ESRRG: variants seen among roughly 807,000 people sequenced by gnomAD.
ESRRG encodes the protein estrogen related receptor gamma.
ESRRG carries 13 observed loss-of-function variants against 44.0 expected under a neutral mutation model. The ratio of observed to expected loss-of-function variants is 0.30; its 90% CI spans 0.19 to 0.47. ESRRG has a LOEUF of 0.47. Ranked by LOEUF, ESRRG falls within the 20% of genes least tolerant of loss-of-function variation. The probability of loss-of-function intolerance (pLI) is 1.00; values close to 1 mark genes in which losing one functional copy is unlikely to be tolerated. For synonymous variants in ESRRG, 215 were observed against 214.6 expected, an observed-to-expected ratio of 1.00 and a Z score of -0.02; for missense variants, 395 against 580.6, an observed-to-expected ratio of 0.68 and a Z score of 3.29.
Position 216,506,724 on chromosome 1 carries a change from G to T in ESRRG, c.*215C>A. On this transcript the variant is annotated 3_prime_UTR_variant, in exon 7 of 7. Transcript: ENST00000408911. ...ATAAAGAGAAAGAGAAATGTGGGAA[G>T]AAAGAGGAAAGAAGATGATGGAGAA... 1 of 643,294 alleles carries T rather than the reference G, an allele frequency of 1.6e-6. No individual in the cohort carries two copies. Among genetic ancestry groups the T allele is most frequent in the East Asian group, 2.9e-5 (1 of 34,314 alleles). 39.8% of individuals were successfully genotyped at this position (643,294 alleles called of 1,614,324 possible). A position where few individuals can be genotyped will look rare whatever the true frequency, so the allele number is the denominator to read the frequency against.
chr1:216,822,538 C>T (rs1269184213), intron 2 of ESRRG, among the ~76,000 whole-genome samples: 1 of 152,100 alleles, frequency 6.6e-6, no homozygotes, highest in Non-Finnish European at 1.5e-5. Flanking sequence ...AATATGTTTC[C>T]CAGTCCTCCT....
chr1:216,796,496 G>T (rs1389855311), intron 2 of ESRRG, among the ~76,000 whole-genome samples: 3 of 152,164 alleles, frequency 2.0e-5, no homozygotes, highest in African/African-American at 7.2e-5. Context: ...TCTAAGGATT[G>T]CTATTGTAGT....
chr1:217,040,096 C>A lies in ESRRG; in HGVS notation c.-106+49411G>T, dbSNP rs116464656. Among the ~76,000 whole-genome samples the A allele has an allele frequency of 4.6e-3, 700 of 152,310 alleles. 6 individuals carry two copies. Among genetic ancestry groups the A allele is most frequent in the African/African-American group, 0.016 (663 of 41,576 alleles). On this transcript the variant is annotated intron_variant, in intron 1 of 7. Transcript: ENST00000359162. ...CAACAATGGCTAAATTATTTTAACG[C>A]AGTGATATCTCACACAACATCCCTA... is the stretch of plus-strand genomic sequence containing the variant.
intron 1 of ESRRG, among the ~76,000 whole-genome samples, chr1:216,973,824 C>T (rs1292727548): frequency 1.8e-5 from 2 of 111,114 alleles, no homozygotes; most frequent in Non-Finnish European, 3.5e-5. Context: ...GAAACTCTGT[C>T]TCAAAAAAAA....
chr1:216,653,951 C>CAA (rs5780901), intron 2 of ESRRG, among the ~76,000 whole-genome samples: 1,437 of 142,444 alleles, frequency 0.01, 21 homozygotes, highest in African/African-American at 0.031. Flanking sequence ...CCATCTCTAC[C>CAA]AAAAAAAAAA....
upstream of ESRRG, among the ~76,000 whole-genome samples, chr1:217,092,675 A>C (rs1475228428): frequency 6.6e-6 from 1 of 151,690 alleles, no homozygotes. Context: ...GAAGCTTTCA[A>C]CTCCCTCTTC....
intron 1 of ESRRG, among the ~76,000 whole-genome samples, chr1:217,135,545 G>C (rs1343231841): frequency 6.6e-6 from 1 of 151,594 alleles, no homozygotes; most frequent in Non-Finnish European, 1.5e-5. Context: ...CGGCGGCGGC[G>C]GTGTTGGCGG....
chr1:216,649,515 C>T (rs1459377272), intron 3 of ESRRG, among the ~76,000 whole-genome samples: 3 of 151,836 alleles, frequency 2.0e-5, no homozygotes, highest in Non-Finnish European at 4.4e-5. Context: ...TACATATACA[C>T]ACACACACAC....
At chr1:217,121,424 T>C (rs1339828863) in intron 1 of ESRRG, among the ~76,000 whole-genome samples, 1 of 152,110 alleles carries the variant, frequency 6.6e-6, no homozygotes, top group Non-Finnish European at 1.5e-5. Context: ...AAAATCACTC[T>C]CCTGGTAGTG....
chr1:217,117,997 T>C (rs2092759891), intron 1 of ESRRG, among the ~76,000 whole-genome samples: 1 of 152,220 alleles, frequency 6.6e-6, no homozygotes, highest in African/African-American at 2.4e-5. Context: ...ATAAAGTCCA[T>C]ATCTGAATCA....
In ESRRG at chr1:216,927,508, C is replaced by T. The variant is rs1361545174; in HGVS notation, c.-14+12074G>A. ...AGCAGCAGTTAAAGATCAGAGGCAACTTGAAATGGGCCAACGTGCTGAGCT... is the reference window on the plus strand; with the variant it reads ...AGCAGCAGTTAAAGATCAGAGGCAATTTGAAATGGGCCAACGTGCTGAGCT... On this transcript the variant is annotated intron_variant, in intron 2 of 7. Transcript: ENST00000359162. 3.9e-5 allele frequency among the ~76,000 whole-genome samples: 6 copies of T among 152,298 alleles called. No individual in the cohort carries two copies. The East Asian group carries it at 1.2e-3, about 29-fold the overall frequency.
rs567043727 is a variant in ESRRG, at chr1:216,875,345, C to T, written c.-14+64237G>A. The stretch of plus-strand genomic sequence containing the variant: ...ATTACCTGATCTACATATAAAGTAT[C>T]GCCAGCACCCCAGAGTCCCCTCAGA... On this transcript the variant is annotated intron_variant, in intron 2 of 7. Transcript: ENST00000359162. 4.6e-5 allele frequency among the ~76,000 whole-genome samples: 7 copies of T among 152,210 alleles called. No homozygotes were observed. The South Asian group carries it at 6.2e-4, about 14-fold the overall frequency.
At chr1:216,881,263 C>T (rs976145276) in intron 2 of ESRRG, among the ~76,000 whole-genome samples, 11 of 152,096 alleles carry the variant, frequency 7.2e-5, no homozygotes, top group African/African-American at 2.7e-4. Context: ...CTACAGAAAG[C>T]AGATGCAGAT....
intron 1 of ESRRG, among the ~76,000 whole-genome samples, chr1:216,972,394 C>A (rs186659033): frequency 1.6e-4 from 25 of 152,142 alleles, no homozygotes; most frequent in Non-Finnish European, 3.5e-4. Flanking sequence ...AGTGAAGTGG[C>A]CAAAACTGAG....
chr1:216,621,343 G>T (rs2062206033), intron 3 of ESRRG, among the ~76,000 whole-genome samples: 1 of 152,118 alleles, frequency 6.6e-6, no homozygotes, highest in South Asian at 2.1e-4. Flanking sequence ...TTTTGACAAA[G>T]ATGTGCAATA....
At chr1:216,843,420 T>A (rs923109769) in intron 2 of ESRRG, among the ~76,000 whole-genome samples, 5 of 152,114 alleles carry the variant, frequency 3.3e-5, no homozygotes, top group Non-Finnish European at 7.4e-5. Context: ...GATGTTGAAT[T>A]ACGTTAAATG....
At chr1:216,622,610 ACACACACG>A (rs993689316) in intron 3 of ESRRG, among the ~76,000 whole-genome samples, 6 of 89,820 alleles carry the variant, frequency 6.7e-5, no homozygotes, top group East Asian at 2.0e-4. Flanking sequence ...AATGAAAATT[ACACACACG>A]CACACACACA....
chr1:216,960,465 G>A (rs187799625), intron 1 of ESRRG, among the ~76,000 whole-genome samples: 46 of 152,152 alleles, frequency 3.0e-4, no homozygotes, highest in African/African-American at 9.2e-4. Flanking sequence ...CCCTAAATGA[G>A]GTATTGTTTA....
At chr1:216,718,623 T>C (rs1348318562) in intron 1 of ESRRG, among the ~76,000 whole-genome samples, 2 of 152,042 alleles carry the variant, frequency 1.3e-5, no homozygotes, top group East Asian at 3.9e-4. Flanking sequence ...CTGCAATTCA[T>C]TCTATCTGTT....
Sources: gnomAD v4.1 joint callset for allele counts (sites outside exome capture counted in the v4.1 genomes callset) on GRCh38, gnomAD v4.1.1 for gene constraint, MANE v1.5 for transcripts, NCBI Gene and HGNC (gene_info 2026-07-23, HGNC 2026-07-21) for gene names.